Variants in MAPK10 observed in about 807,000 individuals in gnomAD.
The protein encoded by MAPK10 is mitogen-activated protein kinase 10.
In MAPK10, 25 loss-of-function variants were observed where a neutral mutation model predicts 59.3. That is an observed-to-expected ratio of 0.42 (90% CI 0.31 to 0.59). MAPK10 has a LOEUF of 0.59. Ranked by LOEUF, MAPK10 falls within the 20% of genes least tolerant of loss-of-function variation. The probability of loss-of-function intolerance (pLI) is 0.15; values close to 1 mark genes in which losing one functional copy is unlikely to be tolerated. For synonymous variants in MAPK10, 190 were observed against 200.5 expected, an observed-to-expected ratio of 0.95 and a Z score of 0.44; for missense variants, 351 against 568.9, an observed-to-expected ratio of 0.62 and a Z score of 3.90.
chr4:86,226,193 C>T (rs2090578457), intron 2 of MAPK10, among the ~76,000 whole-genome samples: 1 of 152,190 alleles, frequency 6.6e-6, no homozygotes, highest in Non-Finnish European at 1.5e-5. Flanking sequence ...GCCTGGCAGG[C>T]ATGATTTTAT....
rs144180990 is a variant in MAPK10, at chr4:86,045,247, C to T, written c.1111-13816G>A. 1.6e-3 allele frequency among the ~76,000 whole-genome samples: 246 copies of T among 152,104 alleles called. 2 individuals carry two copies. The highest frequency in any genetic ancestry group is 5.5e-3 in the African/African-American group (230 of 41,504). The stretch of plus-strand genomic sequence containing the variant: ...GAAAATGAAATTTCTCTTTCCTGCT[C>T]CTTGGAAATTAAAATTTTCTATGGT... On this transcript the variant is annotated intron_variant, in intron 11 of 13. Transcript: ENST00000641462.
At position 86,107,405 on chromosome 4, in the gene MAPK10, T is replaced by C. The variant is rs903344093; in HGVS notation, c.237-53A>G. 20 of 1,578,126 alleles carry C rather than the reference T, an allele frequency of 1.3e-5. No individual in the cohort carries two copies. The African/African-American group carries it at 2.2e-4, about 17-fold the overall frequency. ...TTAAGAACAAAAGATTCCTTAGAAC[T>C]CTTGCCTACTTGATTAAGGATACTG... On this transcript the variant is annotated intron_variant, in intron 4 of 13. Transcript: ENST00000641462.
chr4:86,243,597 A>G (rs562947178), intron 2 of MAPK10, among the ~76,000 whole-genome samples: 1 of 152,216 alleles, frequency 6.6e-6, no homozygotes, highest in Non-Finnish European at 1.5e-5. Context: ...GGGCCCTTGA[A>G]CATGCCCTTT....
intron 8 of MAPK10, 82 bp from the exon 9 acceptor site, chr4:86,098,677 A>G (rs2054699130): frequency 8.6e-7 from 1 of 1,162,480 alleles, no homozygotes; most frequent in Non-Finnish European, 1.3e-6. Context: ...AGGAGGAGGA[A>G]AAAGAACAGT....
intron 11 of MAPK10, chr4:86,032,262 C>T (rs2039217660): frequency 6.6e-6 from 1 of 152,072 alleles, no homozygotes; most frequent in Admixed American, 6.5e-5. Flanking sequence ...AATTCTCTGA[C>T]CTCTTCTTCC....
intron 1 of MAPK10, among the ~76,000 whole-genome samples, chr4:86,578,189 T>TG (rs1397187784): frequency 6.6e-6 from 1 of 152,136 alleles, no homozygotes; most frequent in Non-Finnish European, 1.5e-5. Flanking sequence ...TTGTTATAGC[T>TG]GGGGTGGCAG....
rs181453168 is a variant in MAPK10 at position 86,392,141 on chromosome 4, A to G, written c.-121-37497T>C. On this transcript the variant is annotated intron_variant, in intron 1 of 13. Transcript: ENST00000361569. The stretch of plus-strand genomic sequence containing the variant: ...CAGAGTCAGAAAATGAAGCCTATCA[A>G]GAGGATTCAGCGTATGGCCAGGCGC... 2.1e-3 allele frequency among the ~76,000 whole-genome samples: 327 copies of G among 152,318 alleles called. 5 individuals carry two copies. Among genetic ancestry groups the G allele is most frequent in the Admixed American group, 0.015 (227 of 15,306 alleles).
chr4:86,551,996 A>G (rs1759829346), intron 1 of MAPK10, among the ~76,000 whole-genome samples: 1 of 152,186 alleles, frequency 6.6e-6, no homozygotes, highest in Non-Finnish European at 1.5e-5. Context: ...TTAAAGGTAG[A>G]TATTTATTTC....
chr4:86,086,701 A>G (rs2051945789), intron 9 of MAPK10, among the ~76,000 whole-genome samples: 1 of 152,214 alleles, frequency 6.6e-6, no homozygotes, highest in Admixed American at 6.5e-5. Flanking sequence ...ATAATATGGC[A>G]TATCTCCAGC....
chr4:86,145,727 T>C (rs576120870), intron 4 of MAPK10, among the ~76,000 whole-genome samples: 14 of 152,244 alleles, frequency 9.2e-5, no homozygotes, highest in African/African-American at 3.4e-4. Context: ...TGTGTATCTT[T>C]CTTCTTCTGT....
chr4:86,035,239 C>T (rs1469979081), intron 11 of MAPK10, among the ~76,000 whole-genome samples: 1 of 151,632 alleles, frequency 6.6e-6, no homozygotes, highest in Non-Finnish European at 1.5e-5. Flanking sequence ...GGCATGGTGG[C>T]AGGCACCTGT....
chr4:86,320,725 C>T (rs969206593), intron 2 of MAPK10, among the ~76,000 whole-genome samples: 4 of 152,152 alleles, frequency 2.6e-5, no homozygotes, highest in Non-Finnish European at 5.9e-5. Context: ...GACATGAAGC[C>T]TTGCACATGC....
intron 2 of MAPK10, among the ~76,000 whole-genome samples, chr4:86,311,454 G>A (rs557278035): frequency 6.6e-6 from 1 of 152,178 alleles, no homozygotes; most frequent in Admixed American, 6.5e-5. Flanking sequence ...CTTCAACACT[G>A]TCACAATGAA....
At chr4:86,400,468 C>T (rs1422850880) in intron 1 of MAPK10, among the ~76,000 whole-genome samples, 1 of 151,638 alleles carries the variant, frequency 6.6e-6, no homozygotes, top group Admixed American at 6.6e-5. Context: ...TCTCTCTCCA[C>T]GTAATGGGGA....
At chr4:86,217,439 G>GT (rs1261467464) in intron 2 of MAPK10, among the ~76,000 whole-genome samples, 1 of 152,158 alleles carries the variant, frequency 6.6e-6, no homozygotes, top group Non-Finnish European at 1.5e-5. Flanking sequence ...CACAGGTGAA[G>GT]TATCCAAACT....
chr4:86,559,386 C>T (rs188389554), intron 1 of MAPK10, among the ~76,000 whole-genome samples: 102 of 151,948 alleles, frequency 6.7e-4, no homozygotes, highest in African/African-American at 2.4e-3. Flanking sequence ...AAGATTTATT[C>T]CAAGCTTGGA....
chr4:86,489,978 T>C (rs1754335773), intron 1 of MAPK10, among the ~76,000 whole-genome samples: 1 of 152,140 alleles, frequency 6.6e-6, no homozygotes, highest in Admixed American at 6.5e-5. Flanking sequence ...GCCCTCCAAA[T>C]AACAAGCCAA....
chr4:86,580,392 G>C (rs1188608018), intron 1 of MAPK10, among the ~76,000 whole-genome samples: 1 of 151,918 alleles, frequency 6.6e-6, no homozygotes, highest in Non-Finnish European at 1.5e-5. Flanking sequence ...CCAGCTACTT[G>C]GGAGGCTGAG....
chr4:86,026,286 C>G (rs1472144834), intron 13 of MAPK10: 1 of 152,140 alleles, frequency 6.6e-6, no homozygotes, highest in Non-Finnish European at 1.5e-5. Context: ...CTAGTTCTAA[C>G]GTACTATAAC....
Sources: allele counts gnomAD v4.1 joint callset (sites outside exome capture counted in the v4.1 genomes callset), GRCh38; gene constraint gnomAD v4.1.1; transcripts MANE v1.5; gene names NCBI Gene and HGNC (gene_info 2026-07-23, HGNC 2026-07-21).